Variants in CCDC192 observed in about 807,000 individuals in gnomAD.
CCDC192 encodes the protein coiled-coil domain containing 192.
intron 3 of CCDC192, among the ~76,000 whole-genome samples, chr5:127,773,641 T>C (rs1441054203): frequency 1.3e-5 from 2 of 152,222 alleles, no homozygotes; most frequent in Non-Finnish European, 2.9e-5. Flanking sequence ...TAATATTCCA[T>C]TGTGTGTACA....
chr5:127,761,921 C>G (rs17164675), intron 3 of CCDC192, among the ~76,000 whole-genome samples: 1 of 152,132 alleles, frequency 6.6e-6, no homozygotes, highest in African/African-American at 2.4e-5. Flanking sequence ...CTTAGTACAT[C>G]TTAGTGTCCA....
chr5:127,891,807 T>G (rs1752740590), intron 6 of CCDC192, among the ~76,000 whole-genome samples: 1 of 152,206 alleles, frequency 6.6e-6, no homozygotes, highest in Non-Finnish European at 1.5e-5. Flanking sequence ...TCCACCACAT[T>G]CTGGTTCTTT....
At chr5:127,899,524 C>G (rs1250430847) in intron 6 of CCDC192, among the ~76,000 whole-genome samples, 1 of 147,914 alleles carries the variant, frequency 6.8e-6, no homozygotes, top group Admixed American at 6.8e-5. Flanking sequence ...AGCCTCTCAA[C>G]TGCCAGCCAT....
intron 6 of CCDC192, among the ~76,000 whole-genome samples, chr5:127,886,485 C>T (rs1274767773): frequency 2.0e-5 from 3 of 152,178 alleles, no homozygotes; most frequent in African/African-American, 7.2e-5. Flanking sequence ...AAGACCACCC[C>T]TCCTCTTCCT....
intron 5 of CCDC192, among the ~76,000 whole-genome samples, chr5:127,825,082 G>A (rs1397068146): frequency 6.6e-6 from 1 of 152,146 alleles, no homozygotes; most frequent in Non-Finnish European, 1.5e-5. Context: ...AAAAACTAAG[G>A]TATCTTCATC....
intron 5 of CCDC192, among the ~76,000 whole-genome samples, chr5:127,835,586 A>G (rs534935374): frequency 7.9e-5 from 12 of 152,314 alleles, no homozygotes; most frequent in African/African-American, 2.9e-4. Flanking sequence ...TTTATAAAGG[A>G]AAGAGGTTTA....
chr5:127,719,349 G>T (rs1751824420), intron 2 of CCDC192, among the ~76,000 whole-genome samples: 1 of 150,958 alleles, frequency 6.6e-6, no homozygotes, highest in African/African-American at 2.4e-5. Context: ...GACTAGTGCT[G>T]CAATAAATGT....
chr5:127,710,759 C>T (rs1751279381), intron 2 of CCDC192, among the ~76,000 whole-genome samples: 1 of 152,002 alleles, frequency 6.6e-6, no homozygotes, highest in African/African-American at 2.4e-5. Flanking sequence ...TTATAATTAC[C>T]AATTTAGAAA....
At chr5:127,849,304 C>G (rs78383071) in intron 5 of CCDC192, among the ~76,000 whole-genome samples, 95 of 152,094 alleles carry the variant, frequency 6.2e-4, no homozygotes, top group African/African-American at 2.2e-3. Flanking sequence ...TTATTCTCCC[C>G]AGTTCTACAG....
At chr5:127,715,832 A>C (rs1009133220) in intron 2 of CCDC192, among the ~76,000 whole-genome samples, 1 of 152,180 alleles carries the variant, frequency 6.6e-6, no homozygotes, top group African/African-American at 2.4e-5. Context: ...AGATCATGTC[A>C]TCTGTAAACA....
chr5:127,917,074 C>T (rs1561550741), intron 6 of CCDC192, among the ~76,000 whole-genome samples: 2 of 152,232 alleles, frequency 1.3e-5, no homozygotes, highest in African/African-American at 2.4e-5. Flanking sequence ...GCTCCTCCAT[C>T]GGCACTTTCT....
At chr5:127,864,213 T>C (rs866719758) in intron 5 of CCDC192, among the ~76,000 whole-genome samples, 3 of 152,220 alleles carry the variant, frequency 2.0e-5, no homozygotes, top group Admixed American at 1.3e-4. Flanking sequence ...TTTATCTACA[T>C]TGGGAAATCC....
intron 2 of CCDC192, among the ~76,000 whole-genome samples, chr5:127,737,635 T>G (rs1753102066): frequency 6.6e-6 from 1 of 151,916 alleles, no homozygotes. Context: ...GCATATATAT[T>G]TAGGGTAGTT....
chr5:127,809,355 A>G (rs1757956821), intron 5 of CCDC192, among the ~76,000 whole-genome samples: 1 of 152,238 alleles, frequency 6.6e-6, no homozygotes. Flanking sequence ...CCCATGCAAT[A>G]TAGCTGAAAC....
rs2126882747 is a variant in CCDC192, at chr5:127,758,178, T to C, written c.222+3803T>C. Among the ~76,000 whole-genome samples, 2 of 152,298 alleles carry C rather than the reference T, an allele frequency of 1.3e-5. 1 individual carries two copies. Among genetic ancestry groups the C allele is most frequent in the Middle Eastern group, 6.8e-3 (2 of 294 alleles). ...CAGATTTAACTCAGAATGGAAAGTATAGGTGCCTAGTGTTGTTACCTGCAT... is the reference window on the plus strand; with the variant it reads ...CAGATTTAACTCAGAATGGAAAGTACAGGTGCCTAGTGTTGTTACCTGCAT... On this transcript the variant is annotated intron_variant, in intron 3 of 6. Coordinates refer to ENST00000514853, the MANE Select transcript of CCDC192 (RefSeq NM_001317938.2).
At chr5:127,752,927 C>T (rs1000672493) in intron 2 of CCDC192, among the ~76,000 whole-genome samples, 3 of 152,242 alleles carry the variant, frequency 2.0e-5, no homozygotes, top group Non-Finnish European at 4.4e-5. Context: ...AACTCCCTGA[C>T]CCCTTGCGCT....
chr5:127,921,873 A>G (rs7710989), intron 6 of CCDC192, among the ~76,000 whole-genome samples: 13,995 of 152,174 alleles, frequency 0.092, 2,122 homozygotes, highest in African/African-American at 0.32. Context: ...AATTTTTTAA[A>G]CTTTGTGATG....
At chr5:127,905,234 C>T (rs1221740123) in intron 6 of CCDC192, among the ~76,000 whole-genome samples, 1 of 152,164 alleles carries the variant, frequency 6.6e-6, no homozygotes, top group Non-Finnish European at 1.5e-5. Context: ...ACAAAAGTTT[C>T]AACCTATCAA....
chr5:127,720,834 C>G (rs1472185020), intron 2 of CCDC192, among the ~76,000 whole-genome samples: 1 of 152,236 alleles, frequency 6.6e-6, no homozygotes, highest in Admixed American at 6.5e-5. Context: ...ACAGGCTGAG[C>G]TGTATCTTGG....
Sources: allele counts gnomAD v4.1 joint callset (sites outside exome capture counted in the v4.1 genomes callset), GRCh38; gene constraint gnomAD v4.1.1; transcripts MANE v1.5; gene names NCBI Gene and HGNC (gene_info 2026-07-23, HGNC 2026-07-21).